FRMPD4: variants seen among roughly 807,000 people sequenced by gnomAD.
The protein encoded by FRMPD4 is FERM and PDZ domain containing 4, also known as FERM and PDZ domain-containing protein 4.
Under a neutral mutation model 94.1 loss-of-function variants are expected in FRMPD4, and 22 were observed. The ratio of observed to expected loss-of-function variants is 0.23; its 90% CI spans 0.17 to 0.33. The LOEUF (loss-of-function observed/expected upper bound fraction) is 0.33, where lower values mean the gene tolerates loss of function less well. Ranked by LOEUF, FRMPD4 falls within the 10% of genes least tolerant of loss-of-function variation. The probability of loss-of-function intolerance (pLI) is 1.00; values close to 1 mark genes in which losing one functional copy is unlikely to be tolerated. For missense variants in FRMPD4, 1,111 were observed against 1,339.9 expected (o/e 0.83, Z 2.67); for synonymous variants, 631 against 548.6 (o/e 1.15, Z -2.10).
chrX:12,403,575 C>T (rs969875583), intron 1 of FRMPD4, among the ~76,000 whole-genome samples: 1 of 111,088 alleles, frequency 9.0e-6, no homozygotes, highest in Non-Finnish European at 1.9e-5. Context: ...ACCACAAACC[C>T]ACTGCTCCTA....
intron 3 of FRMPD4, among the ~76,000 whole-genome samples, chrX:12,005,677 G>T (rs1275084384): frequency 8.8e-6 from 1 of 113,172 alleles, no homozygotes; most frequent in African/African-American, 3.2e-5. Flanking sequence ...GCCACAGAGA[G>T]AACTGATACG....
intron 1 of FRMPD4, among the ~76,000 whole-genome samples, chrX:12,172,642 A>C (rs2056242145): frequency 9.0e-6 from 1 of 111,583 alleles, no homozygotes; most frequent in South Asian, 3.8e-4. Context: ...CACTTTGAAA[A>C]CCAAAAAAGA....
intron 1 of FRMPD4, among the ~76,000 whole-genome samples, chrX:12,460,461 C>G (rs1169141577): frequency 4.5e-5 from 5 of 111,680 alleles, no homozygotes; most frequent in Non-Finnish European, 9.4e-5. Context: ...GGGTGAGATT[C>G]ATTTTTTCCA....
intron 3 of FRMPD4, among the ~76,000 whole-genome samples, chrX:12,046,385 T>G (rs2054785469): frequency 9.1e-6 from 1 of 110,459 alleles, no homozygotes; most frequent in African/African-American, 3.3e-5. Flanking sequence ...TGCGTGTTTT[T>G]CCCCACATGC....
chrX:12,628,330 T>C (rs1249782849), intron 4 of FRMPD4, among the ~76,000 whole-genome samples: 1 of 112,071 alleles, frequency 8.9e-6, no homozygotes, highest in East Asian at 2.8e-4. Flanking sequence ...TACCCACTCC[T>C]GGGTCACATC....
At chrX:11,899,880 C>A (rs2053924459) in intron 3 of FRMPD4, among the ~76,000 whole-genome samples, 1 of 112,372 alleles carries the variant, frequency 8.9e-6, no homozygotes, top group Non-Finnish European at 1.9e-5. Flanking sequence ...GTCCATACTT[C>A]TGAACAATGT....
intron 1 of FRMPD4, among the ~76,000 whole-genome samples, chrX:12,396,656 A>G (rs1181252060): frequency 2.7e-5 from 3 of 112,051 alleles, no homozygotes; most frequent in Non-Finnish European, 5.6e-5. Context: ...TAGGATTTAA[A>G]TACATCTATA....
intron 4 of FRMPD4, among the ~76,000 whole-genome samples, chrX:12,672,772 C>T (rs376127761): frequency 5.4e-5 from 6 of 111,548 alleles, no homozygotes; most frequent in African/African-American, 2.0e-4. Flanking sequence ...GATTAGGAGT[C>T]CTAAGGGATC....
chrX:12,397,319 T>G (rs1241450049), intron 1 of FRMPD4, among the ~76,000 whole-genome samples: 6 of 111,214 alleles, frequency 5.4e-5, no homozygotes, highest in Admixed American at 2.9e-4. Context: ...TAGCCTTCTA[T>G]GGAATGCATT....
chrX:12,134,389 C>T (rs1412825490), upstream of FRMPD4, among the ~76,000 whole-genome samples: 1 of 112,286 alleles, frequency 8.9e-6, no homozygotes, highest in East Asian at 2.8e-4. Context: ...TACAGTGGTG[C>T]CTGGTACATG....
At chrX:11,885,238 C>T (rs1001606452) in intron 3 of FRMPD4, among the ~76,000 whole-genome samples, 1 of 111,600 alleles carries the variant, frequency 9.0e-6, no homozygotes, top group Non-Finnish European at 1.9e-5. Context: ...CATGGATGAA[C>T]CTTCAGGATA....
intron 3 of FRMPD4, among the ~76,000 whole-genome samples, chrX:11,930,295 A>G (rs1460155764): frequency 9.1e-6 from 1 of 110,445 alleles, no homozygotes; most frequent in Non-Finnish European, 1.9e-5. Flanking sequence ...TCCCCAAAAG[A>G]TATGCCCACC....
intron 1 of FRMPD4, among the ~76,000 whole-genome samples, chrX:12,415,377 A>C (rs2056787143): frequency 9.0e-6 from 1 of 111,246 alleles, no homozygotes; most frequent in African/African-American, 3.3e-5. Flanking sequence ...TACCTCCTCC[A>C]TCCATCCTCT....
chrX:12,165,262 A>C (rs1222583993), intron 1 of FRMPD4, among the ~76,000 whole-genome samples: 78 of 112,559 alleles, frequency 6.9e-4, no homozygotes, highest in Admixed American at 3.7e-3. Flanking sequence ...TCAGCTTTCT[A>C]CATATGGCCA....
At chrX:12,062,703 C>T (rs1411686716) in intron 3 of FRMPD4, among the ~76,000 whole-genome samples, 3 of 111,344 alleles carry the variant, frequency 2.7e-5, no homozygotes, top group Admixed American at 1.9e-4. Context: ...TTGTCAAAAA[C>T]TCTTTTATTT....
In FRMPD4 at chrX:12,513,299, C is replaced by T. The variant is rs772789405; in HGVS notation, c.158+14503C>T. Among the ~76,000 whole-genome samples the T allele has an allele frequency of 1.5e-4, 17 of 111,863 alleles. No homozygotes were observed. In the South Asian group the frequency reaches 4.2e-3, roughly 27 times the overall value. On this transcript the variant is annotated intron_variant, in intron 2 of 16. Transcript: ENST00000675598. The stretch of plus-strand genomic sequence containing the variant: ...ATCATGAAATCTTTGCCTGTGCCTA[C>T]GTCCTGAATGGTACTGCCTAGATTT...
intron 1 of FRMPD4, among the ~76,000 whole-genome samples, chrX:12,201,897 A>G (rs1264925193): frequency 8.9e-6 from 1 of 111,909 alleles, no homozygotes; most frequent in Non-Finnish European, 1.9e-5. Context: ...GAGATAATAA[A>G]CAAACTGATG....
chrX:12,114,353 G>T (rs1216010515), intron 3 of FRMPD4, among the ~76,000 whole-genome samples: 1 of 110,792 alleles, frequency 9.0e-6, no homozygotes, highest in South Asian at 3.8e-4. Context: ...CGTATGTTTT[G>T]TAATAAGTCT....
At chrX:12,419,483 AT>A (rs200988390) in intron 1 of FRMPD4, among the ~76,000 whole-genome samples, 1,576 of 112,809 alleles carry the variant, frequency 0.014, 27 homozygotes, top group African/African-American at 0.048. Context: ...TACATAAAAA[AT>A]ATTTCAATAA....
Sources: gnomAD v4.1 joint callset for allele counts (sites outside exome capture counted in the v4.1 genomes callset) on GRCh38, gnomAD v4.1.1 for gene constraint, MANE v1.5 for transcripts, NCBI Gene and HGNC (gene_info 2026-07-23, HGNC 2026-07-21) for gene names.